LSAMP: variants seen among roughly 807,000 people sequenced by gnomAD.
The protein encoded by LSAMP is limbic system-associated membrane protein.
In LSAMP, 7 loss-of-function variants were observed where a neutral mutation model predicts 38.6. The ratio of observed to expected loss-of-function variants is 0.18; its 90% CI spans 0.10 to 0.34. The LOEUF (loss-of-function observed/expected upper bound fraction) is 0.34. Ranked by LOEUF, LSAMP falls within the 10% of genes least tolerant of loss-of-function variation. The pLI, the probability that LSAMP is intolerant of heterozygous loss-of-function variation, is 1.00. For missense variants in LSAMP, 313 were observed against 420.0 expected (o/e 0.75, Z 2.23); for synonymous variants, 154 against 166.8 (o/e 0.92, Z 0.59).
chr3:116,159,145 T>TA (rs1709824564), intron 1 of LSAMP, among the ~76,000 whole-genome samples: 1 of 152,072 alleles, frequency 6.6e-6, no homozygotes, highest in Admixed American at 6.6e-5. Flanking sequence ...CCTAAAGCTA[T>TA]AAAAATCCTT....
chr3:115,873,541 T>C (rs1474973674), intron 3 of LSAMP, among the ~76,000 whole-genome samples: 1 of 152,064 alleles, frequency 6.6e-6, no homozygotes, highest in Non-Finnish European at 1.5e-5. Flanking sequence ...TATTTAGTAA[T>C]TAATTTTTCC....
chr3:116,301,175 A>G (rs1328362147), intron 1 of LSAMP, among the ~76,000 whole-genome samples: 1 of 152,134 alleles, frequency 6.6e-6, no homozygotes, highest in East Asian at 1.9e-4. Flanking sequence ...GTCAATGGAA[A>G]TGAAAATCCA....
intron 1 of LSAMP, among the ~76,000 whole-genome samples, chr3:116,213,407 T>C (rs1276254012): frequency 6.6e-6 from 1 of 152,200 alleles, no homozygotes; most frequent in East Asian, 1.9e-4. Flanking sequence ...ATGTAAGATA[T>C]GACTTGCTCC....
At chr3:116,183,464 T>C (rs910617238) in intron 1 of LSAMP, among the ~76,000 whole-genome samples, 12 of 151,872 alleles carry the variant, frequency 7.9e-5, no homozygotes, top group Non-Finnish European at 1.3e-4. Flanking sequence ...GGCAGTGTTA[T>C]GGGTTAGTTA....
chr3:116,254,938 C>A (rs1247141724), intron 1 of LSAMP, among the ~76,000 whole-genome samples: 3 of 152,134 alleles, frequency 2.0e-5, no homozygotes, highest in Non-Finnish European at 4.4e-5. Context: ...TCCTAAGGTA[C>A]TTAAAGATTA....
At chr3:115,823,317 A>G (rs1934306312) in intron 6 of LSAMP, among the ~76,000 whole-genome samples, 2 of 152,224 alleles carry the variant, frequency 1.3e-5, no homozygotes, top group Admixed American at 1.3e-4. Context: ...ACCCTGGCCC[A>G]GGTAGGAGGG....
At chr3:116,400,211 T>G (rs189414769) in intron 1 of LSAMP, among the ~76,000 whole-genome samples, 105 of 152,272 alleles carry the variant, frequency 6.9e-4, no homozygotes, top group African/African-American at 2.2e-3. Flanking sequence ...GAGGTTTCCC[T>G]TTTTTCTCAC....
chr3:116,211,147 C>T (rs2046151409), intron 1 of LSAMP, among the ~76,000 whole-genome samples: 2 of 152,068 alleles, frequency 1.3e-5, no homozygotes, highest in African/African-American at 4.8e-5. Context: ...ATGCTAAACT[C>T]ATAGAAGCAG....
At chr3:115,994,653 A>G (rs1330002373) in intron 3 of LSAMP, among the ~76,000 whole-genome samples, 3 of 152,088 alleles carry the variant, frequency 2.0e-5, no homozygotes, top group Non-Finnish European at 4.4e-5. Flanking sequence ...ATTTCAATAG[A>G]TAAAAGAAAC....
At chr3:116,426,725 C>T (rs76031128) in intron 1 of LSAMP, among the ~76,000 whole-genome samples, 6,741 of 152,278 alleles carry the variant, frequency 0.044, 198 homozygotes, top group Non-Finnish European at 0.067. Flanking sequence ...TGTATCTTCT[C>T]TCTTTGTCCT....
intron 1 of LSAMP, among the ~76,000 whole-genome samples, chr3:116,401,094 G>C (rs2048835505): frequency 6.6e-6 from 1 of 152,106 alleles, no homozygotes; most frequent in African/African-American, 2.4e-5. Flanking sequence ...GGACATCCAG[G>C]ATATGAGCCA....
intron 1 of LSAMP, among the ~76,000 whole-genome samples, chr3:116,336,247 A>T (rs1401775662): frequency 6.6e-6 from 1 of 152,074 alleles, no homozygotes; most frequent in African/African-American, 2.4e-5. Flanking sequence ...CAACAAAAGA[A>T]TAGACAAAAA....
chr3:115,912,333 T>C (rs888618300), intron 3 of LSAMP, among the ~76,000 whole-genome samples: 5 of 152,196 alleles, frequency 3.3e-5, no homozygotes, highest in Non-Finnish European at 5.9e-5. Context: ...GTGTTAGACG[T>C]AGGTCAATGT....
rs150275169 is a variant in LSAMP at position 116,104,488 on chromosome 3, G to T, written c.156-17932C>A. The stretch of plus-strand genomic sequence containing the variant: ...GCAGCTCACCCAGGCTTTGTTCATC[G>T]GGGAGAAATCTAATATGATAAAGAA... On this transcript the variant is annotated intron_variant, in intron 1 of 6. Transcript: ENST00000490035. Among the ~76,000 whole-genome samples, 19 of 151,862 alleles carry T rather than the reference G, an allele frequency of 1.3e-4. No homozygotes were observed. The East Asian group carries it at 1.9e-3, about 15-fold the overall frequency.
chr3:116,294,263 T>G (rs2047302192), intron 1 of LSAMP, among the ~76,000 whole-genome samples: 1 of 152,178 alleles, frequency 6.6e-6, no homozygotes, highest in Non-Finnish European at 1.5e-5. Context: ...TGGTTGAATT[T>G]CATAAAATAG....
intron 1 of LSAMP, among the ~76,000 whole-genome samples, chr3:116,168,579 A>G (rs536170159): frequency 6.6e-6 from 1 of 152,256 alleles, no homozygotes; most frequent in African/African-American, 2.4e-5. Context: ...CTCAGCATAT[A>G]TCTGCTTCCT....
rs1181128171 is a variant in LSAMP at position 116,101,947 on chromosome 3, A to C, written c.156-15391T>G. 2.0e-5 allele frequency among the ~76,000 whole-genome samples: 3 copies of C among 152,154 alleles called. No homozygotes were observed. In the East Asian group the frequency reaches 5.8e-4, roughly 29 times the overall value. ...ATGTCATACTGAGGACTAACCACCT[A>C]TGAGTTTATAGAGGGATTGTGATTA... On this transcript the variant is annotated intron_variant, in intron 1 of 6. Transcript: ENST00000490035.
chr3:115,833,861 A>G (rs1206303769), intron 6 of LSAMP, among the ~76,000 whole-genome samples: 1 of 151,936 alleles, frequency 6.6e-6, no homozygotes, highest in East Asian at 1.9e-4. Flanking sequence ...TTTTAATTTT[A>G]TTTGCCAATT....
intron 3 of LSAMP, among the ~76,000 whole-genome samples, chr3:115,954,041 C>T (rs1463410119): frequency 6.6e-6 from 1 of 152,226 alleles, no homozygotes; most frequent in Non-Finnish European, 1.5e-5. Context: ...TTTTCTGTCA[C>T]ATATGATGAT....
Sources: allele counts gnomAD v4.1 joint callset (sites outside exome capture counted in the v4.1 genomes callset), GRCh38; gene constraint gnomAD v4.1.1; transcripts MANE v1.5; gene names NCBI Gene and HGNC (gene_info 2026-07-23, HGNC 2026-07-21).